The following EDEM3 variants were observed in gnomAD, a reference collection of about 807,000 sequenced individuals.
EDEM3 encodes ER degradation-enhancing alpha-mannosidase-like protein 3.
EDEM3 carries 60 observed loss-of-function variants against 110.2 expected under a neutral mutation model. The observed-to-expected ratio is 0.54, with a 90% CI of 0.44 to 0.67. The LOEUF (loss-of-function observed/expected upper bound fraction) is 0.67. Ranked by LOEUF, EDEM3 falls within the 30% of genes least tolerant of loss-of-function variation. The probability of loss-of-function intolerance (pLI) is 0.00; values close to 1 mark genes in which losing one functional copy is unlikely to be tolerated. For synonymous variants in EDEM3, 352 were observed against 382.9 expected (o/e 0.92, Z 0.94); for missense variants, 996 against 1,121.0 (o/e 0.89, Z 1.59).
At chr1:184,742,972 G>C (rs919763958) in intron 2 of EDEM3, among the ~76,000 whole-genome samples, 1 of 152,120 alleles carries the variant, frequency 6.6e-6, no homozygotes, top group East Asian at 1.9e-4. Context: ...CTGTTTTTTA[G>C]GGTTTTCTAA....
At chr1:184,722,725 TTA>T (rs1179100807) in intron 8 of EDEM3, among the ~76,000 whole-genome samples, 8 of 150,860 alleles carry the variant, frequency 5.3e-5, no homozygotes, top group Non-Finnish European at 7.4e-5. Flanking sequence ...TTTATAATTT[TTA>T]TTTATTTAAA....
At position 184,754,616 on chromosome 1, in the gene EDEM3, A is replaced by T. The variant is rs1331024254; in HGVS notation, c.31T>A (p.Ser11Thr). 3.1e-6 allele frequency: 5 copies of T among 1,603,120 alleles called. No homozygotes were observed. Among genetic ancestry groups the T allele is most frequent in the East Asian group, 2.3e-5 (1 of 44,360 alleles). Reference protein sequence around the residue: MSEAGGRGCGSPVPQRARWRL... With the variant: MSEAGGRGCGTPVPQRARWRL... The stretch of plus-strand genomic sequence containing the variant: ...CATCGCGCTCGCTGGGGAACCGGGG[A>T]CCCACAGCCCCGGCCGCCGGCTTCG... Residue 11 changes from serine to threonine, a missense_variant, in exon 1 of 20, where the codon TCC (serine) becomes ACC (threonine). By Grantham distance (58) the Ser-to-Thr change is moderately conservative. This residue lies in a region of EDEM3 where 200 missense variants were observed against 183.8 expected (regional missense o/e 1.09). Coordinates refer to ENST00000318130, the MANE Select transcript of EDEM3 (RefSeq NM_025191.4).
intron 19 of EDEM3, among the ~76,000 whole-genome samples, chr1:184,699,726 TTC>T (rs894764757): frequency 2.0e-5 from 3 of 151,856 alleles, no homozygotes; most frequent in African/African-American, 7.2e-5. Context: ...TTCCTCCATT[TTC>T]TCTGTCTGGC....
At chr1:184,752,922 A>G (rs117324733) in intron 1 of EDEM3, among the ~76,000 whole-genome samples, 1 of 152,350 alleles carries the variant, frequency 6.6e-6, no homozygotes, top group East Asian at 1.9e-4. Context: ...TAACATATGT[A>G]AAGTATTCAC....
chr1:184,711,476 T>A (rs1650227072), intron 15 of EDEM3, among the ~76,000 whole-genome samples: 1 of 152,152 alleles, frequency 6.6e-6, no homozygotes, highest in Non-Finnish European at 1.5e-5. Flanking sequence ...CCCACTATTA[T>A]TACCTTAGTT....
At chr1:184,719,284 G>C (rs762294601) in intron 10 of EDEM3, 39 bp from the exon 11 acceptor site, 3 of 1,507,174 alleles carry the variant, frequency 2.0e-6, no homozygotes, top group Admixed American at 4.6e-5. Flanking sequence ...AATAAAATAT[G>C]AGCTGATTTT....
intron 13 of EDEM3, among the ~76,000 whole-genome samples, chr1:184,715,181 T>C (rs1487070558): frequency 6.6e-6 from 1 of 152,142 alleles, no homozygotes; most frequent in Non-Finnish European, 1.5e-5. Flanking sequence ...CTGGATGTGA[T>C]ATTTTAAGAG....
Position 184,692,157 on chromosome 1 carries a change from G to A in EDEM3, c.*1906C>T, listed in dbSNP as rs952073609. On this transcript the variant is annotated 3_prime_UTR_variant, in exon 20 of 20. Transcript: ENST00000318130. ...TCCAAGCCCCAGTCCTATAAATCAAGGCAAGTCAAGTAATTAAGCTTCAAC... is the reference window on the plus strand; with the variant it reads ...TCCAAGCCCCAGTCCTATAAATCAAAGCAAGTCAAGTAATTAAGCTTCAAC... 2 of 152,042 alleles carry A rather than the reference G, an allele frequency of 1.3e-5. No homozygotes were observed. Among genetic ancestry groups the A allele is most frequent in the Non-Finnish European group, 1.5e-5 (1 of 67,974 alleles). 9.4% of individuals were successfully genotyped at this position (152,042 alleles called of 1,614,324 possible).
intron 1 of EDEM3, among the ~76,000 whole-genome samples, chr1:184,750,809 G>C (rs527682163): frequency 6.6e-6 from 1 of 152,022 alleles, no homozygotes; most frequent in Admixed American, 6.6e-5. Flanking sequence ...TACCACGCCC[G>C]GCCTATTAAC....
chr1:184,748,385 T>A (rs1265900662), intron 2 of EDEM3, among the ~76,000 whole-genome samples: 4 of 151,340 alleles, frequency 2.6e-5, no homozygotes, highest in African/African-American at 9.7e-5. Flanking sequence ...AGGTGGTGGC[T>A]GCAGTGAGCT....
At chr1:184,749,780 T>C (rs1652651024) in intron 1 of EDEM3, among the ~76,000 whole-genome samples, 188 bp from the exon 2 acceptor site, 1 of 152,122 alleles carries the variant, frequency 6.6e-6, no homozygotes, top group East Asian at 1.9e-4. Context: ...TTTCATGAAC[T>C]CACCACACAG....
intron 2 of EDEM3, among the ~76,000 whole-genome samples, chr1:184,739,067 A>G (rs1651988039): frequency 6.6e-6 from 1 of 151,930 alleles, no homozygotes; most frequent in South Asian, 2.1e-4. Context: ...ATAATTTTCT[A>G]AATACTACTT....
chr1:184,714,545 G>A (rs914457807), intron 13 of EDEM3, among the ~76,000 whole-genome samples: 6 of 152,046 alleles, frequency 3.9e-5, no homozygotes, highest in African/African-American at 1.4e-4. Flanking sequence ...AGATCTATAG[G>A]GTAATAAACC....
chr1:184,747,033 A>C (rs75110766), intron 2 of EDEM3, among the ~76,000 whole-genome samples: 6 of 151,598 alleles, frequency 4.0e-5, no homozygotes, highest in East Asian at 1.9e-4. Flanking sequence ...AAAAAAAAAA[A>C]CATTATTTTA....
At chr1:184,749,183 G>C (rs1199610108) in intron 2 of EDEM3, among the ~76,000 whole-genome samples, 1 of 152,156 alleles carries the variant, frequency 6.6e-6, no homozygotes, top group Non-Finnish European at 1.5e-5. Context: ...GTTTTCTTCA[G>C]TGTATAAATA....
At chr1:184,717,879 C>T (rs1186402583) in intron 11 of EDEM3, among the ~76,000 whole-genome samples, 3 of 151,946 alleles carry the variant, frequency 2.0e-5, no homozygotes, top group African/African-American at 7.2e-5. Context: ...CATAATGAAA[C>T]TCAGCAATGC....
Position 184,726,315 on chromosome 1 carries a change from T to C in EDEM3, c.687A>G (p.Ala229=). ...GTETDTCTAC[A]GTLILEFAAL... ...CAGCAAATTCAAGGATCAAGGTACC[T>C]GCACAAGCTGTACAGGTATCTGTCT... is the stretch of plus-strand genomic sequence containing the variant. The change falls in exon 7 of 20, where the codon GCA becomes GCG. Residue 229 remains alanine (A), a synonymous_variant. Transcript: ENST00000318130. 9.9e-6 allele frequency: 16 copies of C among 1,613,912 alleles called. No homozygotes were observed. Among genetic ancestry groups the C allele is most frequent in the Non-Finnish European group, 1.4e-5 (16 of 1,179,884 alleles).
intron 2 of EDEM3, 146 bp from the exon 3 acceptor site, chr1:184,737,857 T>C (rs977619228): frequency 2.8e-5 from 19 of 680,928 alleles, no homozygotes; most frequent in Non-Finnish European, 4.4e-5. Context: ...TTCAAAAATC[T>C]TTAATTACAA....
At position 184,751,763 on chromosome 1, in the gene EDEM3, CTT is replaced by C. The variant is rs554159129; in HGVS notation, c.159-2173_159-2172del. ...TAATTTCTGTAAGTCGGCTTTTTCT[CTT>C]TTTTTGAGACAGAGTTTTGCTCTTG... On this transcript the variant is annotated intron_variant, in intron 1 of 19. Transcript: ENST00000318130. Among the ~76,000 whole-genome samples, 12 of 152,122 alleles carry C rather than the reference CTT, an allele frequency of 7.9e-5. No homozygotes were observed. In the South Asian group the frequency reaches 1.2e-3, roughly 16 times the overall value.
Sources: gnomAD v4.1 joint callset for allele counts (sites outside exome capture counted in the v4.1 genomes callset) on GRCh38, gnomAD v4.1.1 for gene constraint, gnomAD v4.1.1 regional missense constraint, MANE v1.5 for transcripts, NCBI Gene and HGNC (gene_info 2026-07-23, HGNC 2026-07-21) for gene names.